EIF3K: variants seen among roughly 807,000 people sequenced by gnomAD.
The protein encoded by EIF3K is eIF-3 p28.
In EIF3K, 27 loss-of-function variants were observed where a neutral mutation model predicts 34.2. The ratio of observed to expected loss-of-function variants is 0.79; its 90% CI spans 0.58 to 1.09. The LOEUF is 1.09. EIF3K is among the 50% of genes least tolerant of loss of function. The pLI, the probability that EIF3K is intolerant of heterozygous loss-of-function variation, is 0.00. For missense variants in EIF3K, 232 were observed against 275.4 expected (o/e 0.84, Z 1.11); for synonymous variants, 105 against 105.7 (o/e 0.99, Z 0.04).
chr19:38,628,374 C>A (rs1975990974), intron 4 of EIF3K: 1 of 152,292 alleles, frequency 6.6e-6, no homozygotes, highest in Admixed American at 6.6e-5. Flanking sequence ...GGCTCCCCTC[C>A]TCCCTCTGTG....
chr19:38,634,520 C>G (rs188958469), intron 6 of EIF3K, among the ~76,000 whole-genome samples: 1 of 151,640 alleles, frequency 6.6e-6, no homozygotes, highest in Non-Finnish European at 1.5e-5. Context: ...ATTGCTTGAA[C>G]CTGGGAGGTG....
intron 2 of EIF3K, among the ~76,000 whole-genome samples, chr19:38,621,378 A>C (rs1408235827): frequency 2.6e-5 from 4 of 152,094 alleles, no homozygotes; most frequent in Non-Finnish European, 5.9e-5. Flanking sequence ...ATACCACTGC[A>C]CTCCAGCTTG....
At chr19:38,630,336 T>A (rs908539168) in intron 4 of EIF3K, among the ~76,000 whole-genome samples, 16 of 145,904 alleles carry the variant, frequency 1.1e-4, no homozygotes, top group African/African-American at 3.5e-4. Flanking sequence ...TAATTATTTA[T>A]TTATTTATTT....
chr19:38,626,925 C>T (rs1398692943), intron 4 of EIF3K, among the ~76,000 whole-genome samples: 1 of 152,084 alleles, frequency 6.6e-6, no homozygotes, highest in Non-Finnish European at 1.5e-5. Context: ...TCCTGTCTCC[C>T]GAGTAGCTAG....
intron 1 of EIF3K, among the ~76,000 whole-genome samples, chr19:38,619,928 C>T (rs968307265): frequency 5.3e-5 from 8 of 152,070 alleles, no homozygotes; most frequent in Non-Finnish European, 1.2e-4. Context: ...AAGCAAAGGC[C>T]AGAGTGTTCA....
chr19:38,631,437 C>T (rs554457036), intron 4 of EIF3K, among the ~76,000 whole-genome samples: 53 of 152,302 alleles, frequency 3.5e-4, no homozygotes, highest in African/African-American at 1.2e-3. Flanking sequence ...GAATTAAGTG[C>T]TTTGCTTTTG....
At chr19:38,632,856 T>C (rs1976100407) in intron 6 of EIF3K, 178 bp downstream of exon 6, 1 of 559,164 alleles carries the variant, frequency 1.8e-6, no homozygotes, top group East Asian at 3.0e-5. Context: ...GGAGATCCTA[T>C]GCCATTTGCT....
At chr19:38,621,763 AG>A (rs1265090052) in intron 2 of EIF3K, among the ~76,000 whole-genome samples, 1 of 152,078 alleles carries the variant, frequency 6.6e-6, no homozygotes, top group Non-Finnish European at 1.5e-5. Flanking sequence ...AGATCCATCC[AG>A]TGTTTTTTGT....
chr19:38,632,333 C>T, intron 4 of EIF3K, 97 bp from the exon 5 acceptor site: 2 of 1,198,344 alleles, frequency 1.7e-6, no homozygotes, highest in South Asian at 1.4e-5. Context: ...CAAGACCAGC[C>T]TGGGCAACGT....
chr19:38,630,219 T>C (rs1193971811), intron 4 of EIF3K, among the ~76,000 whole-genome samples: 1 of 151,858 alleles, frequency 6.6e-6, no homozygotes, highest in African/African-American at 2.4e-5. Context: ...AGTGATATGA[T>C]CTTGGCTCGC....
At chr19:38,631,763 G>A (rs1426062334) in intron 4 of EIF3K, among the ~76,000 whole-genome samples, 2 of 152,202 alleles carry the variant, frequency 1.3e-5, no homozygotes, top group Non-Finnish European at 2.9e-5. Flanking sequence ...GAGAAACCTT[G>A]GACAATACCT....
chr19:38,628,765 G>C (rs906031110), intron 4 of EIF3K, among the ~76,000 whole-genome samples: 2 of 151,950 alleles, frequency 1.3e-5, no homozygotes, highest in South Asian at 2.1e-4. Flanking sequence ...CGGAGATTGC[G>C]GTGAGCCGAG....
chr19:38,621,029 C>A (rs925082036), intron 2 of EIF3K, among the ~76,000 whole-genome samples: 1 of 151,838 alleles, frequency 6.6e-6, no homozygotes, highest in African/African-American at 2.4e-5. Flanking sequence ...TAGCGAGACC[C>A]AACCCTACGA....
chr19:38,633,543 CA>C (rs548140236), intron 6 of EIF3K, among the ~76,000 whole-genome samples: 19 of 151,880 alleles, frequency 1.3e-4, no homozygotes, highest in Non-Finnish European at 2.6e-4. Context: ...ACTAAAAATA[CA>C]AAAAATTGCT....
At chr19:38,622,204 C>T (rs1975856965) in intron 2 of EIF3K, among the ~76,000 whole-genome samples, 1 of 151,348 alleles carries the variant, frequency 6.6e-6, no homozygotes, top group South Asian at 2.1e-4. Flanking sequence ...CTCCCAGGTT[C>T]ATGTAATCCT....
At chr19:38,625,322 C>G (rs879539958) in intron 3 of EIF3K, among the ~76,000 whole-genome samples, 1 of 151,754 alleles carries the variant, frequency 6.6e-6, no homozygotes, top group Non-Finnish European at 1.5e-5. Context: ...CATGCTACCA[C>G]GCCCAGCTAA....
chr19:38,625,942 G>A, intron 3 of EIF3K, 86 bp from the exon 4 acceptor site: 1 of 1,256,078 alleles, frequency 8.0e-7, no homozygotes. Context: ...GAAGAAAGCA[G>A]CCAGAAGAAG....
intron 3 of EIF3K, among the ~76,000 whole-genome samples, chr19:38,624,582 C>G (rs974363792): frequency 6.6e-6 from 1 of 152,040 alleles, no homozygotes; most frequent in Non-Finnish European, 1.5e-5. Context: ...TATTAAAATA[C>G]AAAAAATTAG....
intron 4 of EIF3K, among the ~76,000 whole-genome samples, chr19:38,630,007 G>T (rs1408489884): frequency 6.6e-6 from 1 of 152,146 alleles, no homozygotes; most frequent in African/African-American, 2.4e-5. Flanking sequence ...GTTTCTGCCT[G>T]CCAGGTTCAA....
Sources: gnomAD v4.1 joint callset for allele counts (sites outside exome capture counted in the v4.1 genomes callset) on GRCh38, gnomAD v4.1.1 for gene constraint, MANE v1.5 for transcripts, NCBI Gene and HGNC (gene_info 2026-07-23, HGNC 2026-07-21) for gene names.